PPARGC1A: variants seen among roughly 807,000 people sequenced by gnomAD.
PPARGC1A encodes the protein peroxisome proliferator-activated receptor gamma coactivator 1-alpha.
In PPARGC1A, 25 loss-of-function variants were observed where a neutral mutation model predicts 88.7. That is an observed-to-expected ratio of 0.28 (90% confidence interval 0.21 to 0.39). The LOEUF is 0.39. Ranked by LOEUF, PPARGC1A falls within the 10% of genes least tolerant of loss-of-function variation. The pLI is 1.00. For synonymous variants in PPARGC1A, 363 were observed against 355.6 expected, an observed-to-expected ratio of 1.02 and a Z score of -0.24; for missense variants, 880 against 968.7, an observed-to-expected ratio of 0.91 and a Z score of 1.22.
the PPARGC1A span, among the ~76,000 whole-genome samples, chr4:24,212,936 A>T: frequency 2.0e-5 from 3 of 152,170 alleles, no homozygotes; most frequent in Non-Finnish European, 4.4e-5. Flanking sequence ...GTCTACACAT[A>T]TCCCCTCCAG....
chr4:23,904,919 T>A (rs1277484457), upstream of PPARGC1A, among the ~76,000 whole-genome samples: 3 of 152,228 alleles, frequency 2.0e-5, no homozygotes, highest in African/African-American at 7.2e-5. Flanking sequence ...TCTTAAAGCA[T>A]TCTCCTTTTT....
At chr4:24,157,016 T>G in the PPARGC1A span, among the ~76,000 whole-genome samples, 4 of 152,144 alleles carry the variant, frequency 2.6e-5, no homozygotes, top group Non-Finnish European at 5.9e-5. Context: ...TCCTTCAAAT[T>G]TAATTTATTC....
At chr4:24,213,315 CA>C in the PPARGC1A span, among the ~76,000 whole-genome samples, 1 of 151,926 alleles carries the variant, frequency 6.6e-6, no homozygotes, top group Non-Finnish European at 1.5e-5. Context: ...TACAGGCGCC[CA>C]CCACCCGGCC....
the PPARGC1A span, among the ~76,000 whole-genome samples, chr4:24,136,929 CA>C: frequency 6.6e-6 from 1 of 152,002 alleles, no homozygotes; most frequent in African/African-American, 2.4e-5. Context: ...GCCTGATCAA[CA>C]TGGTGAAACC....
chr4:24,007,311 T>C, the PPARGC1A span, among the ~76,000 whole-genome samples: 1 of 152,158 alleles, frequency 6.6e-6, no homozygotes, highest in Non-Finnish European at 1.5e-5. Flanking sequence ...GCCCACTCAG[T>C]GACAAGTGCT....
At chr4:24,005,574 C>G in the PPARGC1A span, among the ~76,000 whole-genome samples, 18 of 152,326 alleles carry the variant, frequency 1.2e-4, no homozygotes, top group African/African-American at 4.3e-4. Context: ...TGTAAGACAG[C>G]AGCGTTCACT....
At chr4:24,153,356 G>GA in the PPARGC1A span, among the ~76,000 whole-genome samples, 41 of 148,938 alleles carry the variant, frequency 2.8e-4, 1 homozygote, top group South Asian at 8.5e-4. Context: ...GGCATACTTT[G>GA]AAAAAAAAAA....
the PPARGC1A span, among the ~76,000 whole-genome samples, chr4:24,066,547 T>C: frequency 2.0e-5 from 3 of 151,904 alleles, no homozygotes; most frequent in Non-Finnish European, 4.4e-5. Context: ...TAGTTAGGAG[T>C]CTGTTTCTCC....
chr4:24,407,128 C>CA, the PPARGC1A span, among the ~76,000 whole-genome samples: 3 of 152,142 alleles, frequency 2.0e-5, no homozygotes, highest in Non-Finnish European at 4.4e-5. Flanking sequence ...CCAAAGTCTT[C>CA]ACGAAAGGCA....
At chr4:24,324,305 G>T in the PPARGC1A span, among the ~76,000 whole-genome samples, 1 of 152,072 alleles carries the variant, frequency 6.6e-6, no homozygotes, top group Non-Finnish European at 1.5e-5. Context: ...GGCAAGTCCC[G>T]CTTCCCTAGG....
intron 1 of PPARGC1A, among the ~76,000 whole-genome samples, chr4:23,887,254 A>C (rs556178210): frequency 7.7e-4 from 117 of 152,224 alleles, no homozygotes; most frequent in African/African-American, 2.8e-3. Flanking sequence ...AGAAAAGTGC[A>C]TGTGTTCTTG....
the PPARGC1A span, among the ~76,000 whole-genome samples, chr4:24,229,568 C>CA: frequency 2.0e-5 from 3 of 151,662 alleles, no homozygotes; most frequent in Admixed American, 1.3e-4. Context: ...CACAGTGGCT[C>CA]ATGCCTGTAA....
At chr4:24,346,632 A>G in the PPARGC1A span, among the ~76,000 whole-genome samples, 1 of 151,858 alleles carries the variant, frequency 6.6e-6, no homozygotes, top group Non-Finnish European at 1.5e-5. Context: ...CTCCTGTTTC[A>G]TTTCTCAGTG....
At chr4:24,459,352 T>C in the PPARGC1A span, among the ~76,000 whole-genome samples, 3 of 152,042 alleles carry the variant, frequency 2.0e-5, no homozygotes, top group African/African-American at 4.8e-5. Context: ...ATTCCAAGAA[T>C]GAGTTAAAGA....
chr4:24,386,413 A>G, the PPARGC1A span, among the ~76,000 whole-genome samples: 3 of 152,324 alleles, frequency 2.0e-5, no homozygotes, highest in East Asian at 5.8e-4. Context: ...AAGAGAAAGA[A>G]ATAAAGGGTA....
At chr4:24,043,248 G>A in the PPARGC1A span, among the ~76,000 whole-genome samples, 3 of 152,062 alleles carry the variant, frequency 2.0e-5, no homozygotes, top group Non-Finnish European at 2.9e-5. Context: ...CCCCTATCCC[G>A]ACGCCATCCA....
the PPARGC1A span, among the ~76,000 whole-genome samples, chr4:23,972,898 C>G: frequency 9.2e-5 from 14 of 152,286 alleles, no homozygotes; most frequent in Non-Finnish European, 1.8e-4. Flanking sequence ...TAAGGCTTCT[C>G]AGAGGGACCA....
At chr4:24,295,469 T>C in the PPARGC1A span, among the ~76,000 whole-genome samples, 3 of 152,148 alleles carry the variant, frequency 2.0e-5, no homozygotes, top group Non-Finnish European at 2.9e-5. Context: ...TTGGAGTTTG[T>C]GGGAAAACCA....
chr4:23,890,091 C>CA, upstream of PPARGC1A: 2 of 1,398,656 alleles, frequency 1.4e-6, no homozygotes, highest in Non-Finnish European at 1.9e-6. Context: ...TCCCCAGTCA[C>CA]ATGACAAAGC....
Sources: allele counts gnomAD v4.1 joint callset (sites outside exome capture counted in the v4.1 genomes callset), GRCh38; gene constraint gnomAD v4.1.1; transcripts MANE v1.5; gene names NCBI Gene and HGNC (gene_info 2026-07-23, HGNC 2026-07-21).